Variants in FASTKD5 observed in about 807,000 individuals in gnomAD.
The protein encoded by FASTKD5 is FAST kinase domains 5, also known as non-canonical pre-mRNAs endonuclease FASTKD5, mitochondrial.
A neutral mutation model predicts 44.0 loss-of-function variants in FASTKD5; 30 were observed. The observed-to-expected ratio is 0.68, with a 90% confidence interval of 0.51 to 0.93. FASTKD5 has a LOEUF of 0.93. Among genes scored for constraint, FASTKD5 ranks in the 40% least tolerant of loss-of-function variants. FASTKD5 has a pLI of 0.00. For synonymous variants in FASTKD5, 335 were observed against 342.2 expected (o/e 0.98, Z 0.23); for missense variants, 868 against 908.2 (o/e 0.96, Z 0.57).
chr20:3,148,438 T>G lies in FASTKD5; in HGVS notation c.633A>C (p.Lys211Asn). Residue 211 changes from lysine to asparagine, a missense_variant, in exon 2 of 2, where the codon AAA becomes AAC. Lys to Asn is a moderately conservative substitution (Grantham distance 94). Transcript: ENST00000380266. ...GAGGGATTCCTAAAATGACAAAAGC[T>G]TTCAAAACATTGATCAGATCTTGGG... ...FDTQDLINVL[K>N]AFVILGIPHS... 2 of 1,614,110 alleles carry G rather than the reference T, an allele frequency of 1.2e-6. No homozygotes were observed. Among genetic ancestry groups the G allele is most frequent in the Non-Finnish European group, 1.7e-6 (2 of 1,180,016 alleles).
Position 3,147,387 on chromosome 20 carries a change from T to A in FASTKD5, c.1684A>T (p.Thr562Ser). 6.2e-7 allele frequency: 1 copy of A among 1,614,202 alleles called. No homozygotes were observed. The highest frequency in any genetic ancestry group is 8.5e-7 in the Non-Finnish European group (1 of 1,180,038). ...DMNSKPEFLETVFLLETMLGG... is the reference protein window; with the variant it reads ...DMNSKPEFLESVFLLETMLGG... ...AGCATGGTCTCCAGTAAAAAGACAG[T>A]TTCTAAGAATTCAGGCTTTGAATTC... The change falls in exon 2 of 2, where the codon ACT (threonine) becomes TCT (serine). Residue 562 changes from threonine to serine, a missense_variant. Physicochemically the swap from Thr to Ser is moderately conservative, Grantham distance 58. Transcript: ENST00000380266.
At chr20:3,155,580 C>T (rs1228405872) in intron 1 of FASTKD5, among the ~76,000 whole-genome samples, 44 of 151,804 alleles carry the variant, frequency 2.9e-4, no homozygotes, top group Non-Finnish European at 7.4e-5. Context: ...GTGTTACAAG[C>T]TCTACTGAAC....
chr20:3,155,068 A>AAAAG (rs2066670478), intron 1 of FASTKD5, among the ~76,000 whole-genome samples: 1 of 132,072 alleles, frequency 7.6e-6, no homozygotes, highest in Admixed American at 8.5e-5. Flanking sequence ...AAAAAAAAAA[A>AAAAG]AAAAGAAAAG....
chr20:3,147,962 T>C lies in FASTKD5; in HGVS notation c.1109A>G (p.His370Arg). The C allele has an allele frequency of 2.5e-6, 4 of 1,614,216 alleles. No homozygotes were observed. The South Asian group carries it at 4.4e-5, about 18-fold the overall frequency. ...TCCAATCTGCTTCATGAAATTGATG[T>C]GATCCACGTGAGTGAAACGGAACAT... ...VKMFRFTHVD[H>R]INFMKQIGEI... Residue 370 changes from histidine (H) to arginine (R), a missense_variant, in exon 2 of 2, where the codon CAC (histidine) becomes CGC (arginine). By Grantham distance (29) the His-to-Arg change is conservative (BLOSUM62 0). Coordinates refer to ENST00000380266, the MANE Select transcript of FASTKD5 (RefSeq NM_021826.5).
rs746243059 is a variant in FASTKD5, at chr20:3,148,935, G to T, written c.136C>A (p.His46Asn). The T allele has an allele frequency of 2.5e-6, 4 of 1,614,088 alleles. No individual in the cohort carries two copies. In the Admixed American group the frequency reaches 5.0e-5, roughly 20 times the overall value. ...TQHGGQDPPE[H>N]ISLCHSAKKV... The stretch of plus-strand genomic sequence containing the variant: ...TTGGCAGAATGGCAGAGGCTAATGT[G>T]TTCTGGAGGGTCCTGTCCCCCATGC... Residue 46 changes from histidine (H) to asparagine (N), a missense_variant, in exon 2 of 2, where the codon CAC becomes AAC. His to Asn is a moderately conservative substitution (Grantham distance 68). Coordinates refer to ENST00000380266, the MANE Select transcript of FASTKD5 (RefSeq NM_021826.5).
rs1366889976 is a variant in FASTKD5, at chr20:3,148,590, G to C, written c.481C>G (p.Gln161Glu). ...VRVNQNNLQA[Q>E]VIVDYLCKLS... ...TTACACAAATAATCAACAATGACTT[G>C]AGCCTGGAGATTATTTTGATTAACT... Residue 161 changes from glutamine to glutamate, a missense_variant, in exon 2 of 2, where the codon CAA becomes GAA. Gln to Glu is a conservative substitution (Grantham distance 29). Transcript: ENST00000380266. The C allele has an allele frequency of 5.6e-6, 9 of 1,614,028 alleles. No homozygotes were observed. Among genetic ancestry groups the C allele is most frequent in the Admixed American group, 1.7e-5 (1 of 60,010 alleles).
At chr20:3,159,290 G>A (rs2066721999) in intron 1 of FASTKD5, among the ~76,000 whole-genome samples, 4 of 152,090 alleles carry the variant, frequency 2.6e-5, no homozygotes, top group Admixed American at 2.6e-4. Flanking sequence ...CATACTGTAG[G>A]GCCTTGCTAC....
Position 3,149,244 on chromosome 20 carries a change from A to G in FASTKD5, c.-174T>C. The stretch of plus-strand genomic sequence containing the variant: ...GCCAGGGATCACAAATGACTGGGTC[A>G]GAATTGGTGCCAGATACTGAAAAAA... On this transcript the variant is annotated 5_prime_UTR_variant, in exon 2 of 2. Transcript: ENST00000380266. This position sits in a 1 kb window ranked among gnomAD's most constrained non-coding sequence, Gnocchi z 4.1. The G allele has an allele frequency of 1.6e-6, 1 of 644,150 alleles. No homozygotes were observed. The allele number at this position is 644,150 out of a possible 1,614,324, so 39.9% of individuals were successfully genotyped here.
In FASTKD5 at chr20:3,147,940, A is replaced by G; in HGVS notation, c.1131T>C (p.Ile377=). ...HVDHINFMKQ[I]GEIAPQRIPS... is the part of the protein sequence containing the mutation. ...GAATTCGCTGAGGAGCTATCTCTCC[A>G]ATCTGCTTCATGAAATTGATGTGAT... The change falls in exon 2 of 2, where the codon ATT becomes ATC. Residue 377 remains isoleucine (I), a synonymous_variant. Coordinates refer to ENST00000380266, the MANE Select transcript of FASTKD5 (RefSeq NM_021826.5). 6.2e-7 allele frequency: 1 copy of G among 1,614,246 alleles called. No individual in the cohort carries two copies. The highest frequency in any genetic ancestry group is 8.5e-7 in the Non-Finnish European group (1 of 1,180,054).
intron 1 of FASTKD5, among the ~76,000 whole-genome samples, chr20:3,158,967 T>A (rs547011035): frequency 6.6e-6 from 1 of 152,296 alleles, no homozygotes; most frequent in East Asian, 1.9e-4. Context: ...CAGTTGGTGC[T>A]AACGCAGCTG....
intron 1 of FASTKD5, among the ~76,000 whole-genome samples, chr20:3,151,478 T>C (rs2066624298): frequency 6.6e-6 from 1 of 152,176 alleles, no homozygotes; most frequent in African/African-American, 2.4e-5. Context: ...ACACTATTTC[T>C]ATAAATGCAG....
In FASTKD5 at chr20:3,149,012, G is replaced by A. The variant is rs1234915501; in HGVS notation, c.59C>T (p.Ser20Phe). Reference sequence around the variant, plus strand: ...CACACTTCGGACTGCACCAAAGGCAGAAGGACTGCAAAATGCTCGGTATCT... The same window carrying A: ...CACACTTCGGACTGCACCAAAGGCAAAAGGACTGCAAAATGCTCGGTATCT... ...LVRYRAFCSP[S>F]AFGAVRSVSY... Residue 20 changes from serine to phenylalanine, a missense_variant, in exon 2 of 2, where the codon TCT becomes TTT. By Grantham distance (155) the Ser-to-Phe change is radical (BLOSUM62 -2). Transcript: ENST00000380266. The surrounding 1 kb of genome is among the most constrained non-coding windows in gnomAD (Gnocchi z 4.1). 6.2e-7 allele frequency: 1 copy of A among 1,613,948 alleles called. No individual in the cohort carries two copies. Among genetic ancestry groups the A allele is most frequent in the Admixed American group, 1.7e-5 (1 of 59,956 alleles).
intron 1 of FASTKD5, among the ~76,000 whole-genome samples, chr20:3,152,334 A>T (rs2066637580): frequency 6.6e-6 from 1 of 151,016 alleles, no homozygotes; most frequent in Non-Finnish European, 1.5e-5. Context: ...ACAAAAAATT[A>T]GCCAGGCGTG....
chr20:3,152,110 A>AG (rs2066633613), intron 1 of FASTKD5, among the ~76,000 whole-genome samples: 1 of 150,386 alleles, frequency 6.6e-6, no homozygotes, highest in Admixed American at 6.6e-5. Flanking sequence ...CAAAAAAAAA[A>AG]AAAAAAAAAA....
rs758374358 is a variant in FASTKD5, at chr20:3,148,992, T to G, written c.79A>C (p.Ser27Arg). The G allele has an allele frequency of 6.2e-7, 1 of 1,614,202 alleles. No homozygotes were observed. Among genetic ancestry groups the G allele is most frequent in the Non-Finnish European group, 8.5e-7 (1 of 1,180,032 alleles). The change falls in exon 2 of 2, where the codon AGT (serine) becomes CGT (arginine). Residue 27 changes from serine to arginine, a missense_variant. Transcript: ENST00000380266. ...CSPSAFGAVR[S>R]VSYWNVSSTQ... ...CTGCTCACATTCCAGTATGACACAC[T>G]TCGGACTGCACCAAAGGCAGAAGGA...
rs2066566270 is a variant in FASTKD5 at position 3,146,718 on chromosome 20, C to T, written c.*58G>A. Reference sequence around the variant, plus strand: ...CATTCTGGCTTTTATAATCATTTTGCAACACCTGGTACAGTATACACCTAT... The same window carrying T: ...CATTCTGGCTTTTATAATCATTTTGTAACACCTGGTACAGTATACACCTAT... On this transcript the variant is annotated 3_prime_UTR_variant, in exon 2 of 2. Coordinates refer to ENST00000380266, the MANE Select transcript of FASTKD5 (RefSeq NM_021826.5). The T allele has an allele frequency of 2.6e-6, 4 of 1,521,302 alleles. No homozygotes were observed. The highest frequency in any genetic ancestry group is 3.5e-6 in the Non-Finnish European group (4 of 1,134,452). 94.2% of individuals were successfully genotyped at this position (1,521,302 alleles called of 1,614,324 possible).
intron 1 of FASTKD5, among the ~76,000 whole-genome samples, chr20:3,156,126 G>C (rs1015551508): frequency 6.6e-6 from 1 of 151,600 alleles, no homozygotes; most frequent in African/African-American, 2.4e-5. Flanking sequence ...CCATAGGAAA[G>C]CTGGAAAGAG....
rs370766311 is a variant in FASTKD5 at position 3,147,207 on chromosome 20, C to G, written c.1864G>C (p.Gly622Arg). Residue 622 changes from glycine (G) to arginine (R), a missense_variant, in exon 2 of 2, where the codon GGA (glycine) becomes CGA (arginine). Coordinates refer to ENST00000380266, the MANE Select transcript of FASTKD5 (RefSeq NM_021826.5). Reference sequence around the variant, plus strand: ...ATCAAATCATCTGTAAGGCTGACTCCCACATGCTCAAGCCTTAATTTGGCT... The same window carrying G: ...ATCAAATCATCTGTAAGGCTGACTCGCACATGCTCAAGCCTTAATTTGGCT... The part of the protein sequence containing the change: ...NVAKLRLEHV[G>R]VSLTDDLMNK... The G allele has an allele frequency of 3.1e-6, 5 of 1,614,042 alleles. No homozygotes were observed. The African/African-American group carries it at 6.7e-5, about 22-fold the overall frequency.
rs1434866455 is a variant in FASTKD5, at chr20:3,146,913, T to C, written c.2158A>G (p.Met720Val). ...AGCCGAGCCAGCTGCCGCCTCTTCA[T>C]ATTGTGCAGTCCAAGGAGATCCCTG... ...GSRDLLGLHNMKRRQLARLGY... is the reference protein window; with the variant it reads ...GSRDLLGLHNVKRRQLARLGY... The change falls in exon 2 of 2, where the codon ATG becomes GTG. Residue 720 changes from methionine (M) to valine (V), a missense_variant. Coordinates refer to ENST00000380266, the MANE Select transcript of FASTKD5 (RefSeq NM_021826.5). 3 of 1,614,072 alleles carry C rather than the reference T, an allele frequency of 1.9e-6. No homozygotes were observed. Among genetic ancestry groups the C allele is most frequent in the South Asian group, 1.1e-5 (1 of 91,082 alleles).
Sources: gnomAD v4.1 joint callset for allele counts (sites outside exome capture counted in the v4.1 genomes callset) on GRCh38, gnomAD v4.1.1 for gene constraint, Gnocchi (gnomAD v3.1) non-coding constraint, MANE v1.5 for transcripts, NCBI Gene and HGNC (gene_info 2026-07-23, HGNC 2026-07-21) for gene names.